MCC: variants seen among roughly 807,000 people sequenced by gnomAD.
MCC encodes the protein colorectal mutant cancer protein.
Under a neutral mutation model 116.2 loss-of-function variants are expected in MCC, and 90 were observed. That is an observed-to-expected ratio of 0.77 (90% confidence interval 0.65 to 0.92). The LOEUF is 0.92. Ranked by LOEUF, MCC falls within the 40% of genes least tolerant of loss-of-function variation. The probability of loss-of-function intolerance (pLI) is 0.00; values close to 1 mark genes in which losing one functional copy is unlikely to be tolerated. For synonymous variants in MCC, 578 were observed against 510.5 expected, an observed-to-expected ratio of 1.13 and a Z score of -1.78; for missense variants, 1,516 against 1,312.2, an observed-to-expected ratio of 1.16 and a Z score of -2.40.
intron 3 of MCC, among the ~76,000 whole-genome samples, chr5:113,164,439 A>T (rs1760666798): frequency 6.6e-6 from 1 of 152,164 alleles, no homozygotes; most frequent in African/African-American, 2.4e-5. Context: ...ATCCTTCCTA[A>T]ATCATCAAAC....
intron 3 of MCC, among the ~76,000 whole-genome samples, chr5:113,276,569 A>T (rs1017197258): frequency 2.0e-5 from 3 of 152,208 alleles, no homozygotes; most frequent in Admixed American, 2.0e-4. Flanking sequence ...CTACATACTT[A>T]CTCAGTCGTT....
intron 6 of MCC, among the ~76,000 whole-genome samples, chr5:113,116,912 G>A (rs185767094): frequency 1.1e-4 from 16 of 152,314 alleles, no homozygotes; most frequent in Admixed American, 1.0e-3. Context: ...GATCCCTATT[G>A]TGACCCTCTC....
chr5:113,487,685 T>C (rs886891633), intron 1 of MCC, among the ~76,000 whole-genome samples: 4 of 152,220 alleles, frequency 2.6e-5, no homozygotes, highest in African/African-American at 9.6e-5. Flanking sequence ...TTTAAATCAA[T>C]ACTGGGTGGC....
intron 8 of MCC, 32 bp downstream of exon 8, chr5:113,101,707 G>C (rs781134012): frequency 6.2e-7 from 1 of 1,609,564 alleles, no homozygotes; most frequent in South Asian, 1.1e-5. Context: ...TGCCCAGGAA[G>C]GGCCTGACCA....
At chr5:113,264,338 G>C (rs188918537) in intron 3 of MCC, among the ~76,000 whole-genome samples, 4 of 152,146 alleles carry the variant, frequency 2.6e-5, no homozygotes, top group South Asian at 2.1e-4. Context: ...CCTTAGTCAC[G>C]GGTCAAACAC....
intron 11 of MCC, 60 bp downstream of exon 11, chr5:113,082,800 G>C: frequency 2.5e-6 from 4 of 1,581,398 alleles, no homozygotes; most frequent in Non-Finnish European, 3.4e-6. Flanking sequence ...TTTGGAAAGA[G>C]AAGTGAGGAG....
At chr5:113,462,060 C>CA (rs1771759233) in intron 1 of MCC, among the ~76,000 whole-genome samples, 2 of 151,864 alleles carry the variant, frequency 1.3e-5, no homozygotes, top group African/African-American at 2.4e-5. Context: ...TTAATGCCCA[C>CA]AAAAAAAATT....
intron 6 of MCC, among the ~76,000 whole-genome samples, chr5:113,118,204 A>C (rs772187896): frequency 3.9e-5 from 6 of 152,360 alleles, no homozygotes; most frequent in Non-Finnish European, 7.3e-5. Flanking sequence ...TGAGCAAAGC[A>C]TGTTAGTTGG....
At chr5:113,440,748 G>C (rs562627802) in intron 1 of MCC, among the ~76,000 whole-genome samples, 2 of 152,178 alleles carry the variant, frequency 1.3e-5, no homozygotes, top group Admixed American at 6.5e-5. Context: ...AGATCTGTTG[G>C]CAAACGAAGA....
At chr5:113,396,349 G>A (rs1426818870) in intron 1 of MCC, among the ~76,000 whole-genome samples, 3 of 151,964 alleles carry the variant, frequency 2.0e-5, no homozygotes, top group East Asian at 1.9e-4. Context: ...CAAAAAAACC[G>A]AGCCATGCAC....
At chr5:113,356,167 C>T (rs1768407307) in intron 2 of MCC, among the ~76,000 whole-genome samples, 1 of 151,082 alleles carries the variant, frequency 6.6e-6, no homozygotes, top group African/African-American at 2.4e-5. Flanking sequence ...AGCTCGAGTC[C>T]AGGAGTGATC....
chr5:113,078,762 CCT>C (rs1287991335), intron 11 of MCC, among the ~76,000 whole-genome samples: 1 of 152,134 alleles, frequency 6.6e-6, no homozygotes, highest in Non-Finnish European at 1.5e-5. Context: ...ACAGGGATGC[CCT>C]CTCTCACCAC....
chr5:113,315,223 A>C (rs1447743646), intron 3 of MCC, among the ~76,000 whole-genome samples: 3 of 152,194 alleles, frequency 2.0e-5, no homozygotes, highest in Admixed American at 2.0e-4. Context: ...AATTCTTTTC[A>C]TCCCTTCATG....
Position 113,434,488 on chromosome 5 carries a change from G to A in MCC, c.171-49276C>T. 1 of 1,613,396 alleles carries A rather than the reference G, an allele frequency of 6.2e-7. No homozygotes were observed. Among genetic ancestry groups the A allele is most frequent in the Non-Finnish European group, 8.5e-7 (1 of 1,179,464 alleles). On this transcript the variant is annotated intron_variant, in intron 1 of 18. Coordinates refer to ENST00000408903, the MANE Select transcript of MCC (RefSeq NM_001085377.2). This position sits in a 1 kb window ranked among gnomAD's most constrained non-coding sequence, Gnocchi z 4.2. ...TACTTGATGGCCAAGGAAAGCTGGT[G>A]GAACTTCTTGCGAGCTTCGTCCTCA...
At chr5:113,106,889 T>C (rs1342404907) in intron 6 of MCC, among the ~76,000 whole-genome samples, 2 of 152,218 alleles carry the variant, frequency 1.3e-5, no homozygotes, top group African/African-American at 2.4e-5. Flanking sequence ...TCAGCTCAAA[T>C]GCTATCTCCC....
chr5:113,216,061 TCTAC>T (rs1416427793), intron 3 of MCC, among the ~76,000 whole-genome samples: 1 of 152,234 alleles, frequency 6.6e-6, no homozygotes, highest in African/African-American at 2.4e-5. Flanking sequence ...AATCTGACCT[TCTAC>T]CTGTTTTTGT....
chr5:113,282,707 GTAGTCCCA>G (rs1012455984), intron 3 of MCC, among the ~76,000 whole-genome samples: 13 of 152,106 alleles, frequency 8.5e-5, no homozygotes, highest in African/African-American at 3.1e-4. Flanking sequence ...ATTTCCTACA[GTAGTCCCA>G]TATGGCGCTT....
chr5:113,325,114 A>G (rs1217498481), intron 3 of MCC, among the ~76,000 whole-genome samples: 2 of 152,102 alleles, frequency 1.3e-5, no homozygotes, highest in African/African-American at 4.8e-5. Flanking sequence ...TGTCTATATT[A>G]CAGGCATGAG....
intron 2 of MCC, among the ~76,000 whole-genome samples, chr5:113,361,361 G>T (rs930980852): frequency 6.0e-5 from 9 of 149,960 alleles, no homozygotes; most frequent in Non-Finnish European, 4.4e-5. Context: ...GTTTTGTTTT[G>T]CTGTTCTCTT....
Sources: gnomAD v4.1 joint callset for allele counts (sites outside exome capture counted in the v4.1 genomes callset) on GRCh38, gnomAD v4.1.1 for gene constraint, Gnocchi (gnomAD v3.1) non-coding constraint, MANE v1.5 for transcripts, NCBI Gene and HGNC (gene_info 2026-07-23, HGNC 2026-07-21) for gene names.